The following TNFRSF10B variants were observed in gnomAD, a reference collection of about 807,000 sequenced individuals.
The protein encoded by TNFRSF10B is TNF receptor superfamily member 10b.
TNFRSF10B carries 35 observed loss-of-function variants against 41.4 expected under a neutral mutation model. The ratio of observed to expected loss-of-function variants is 0.85; its 90% confidence interval spans 0.65 to 1.12. The LOEUF (loss-of-function observed/expected upper bound fraction) is 1.12, where lower values mean the gene tolerates loss of function less well. Among genes scored for constraint, TNFRSF10B ranks in the 50% most tolerant of loss-of-function variants. The pLI, the probability that TNFRSF10B is intolerant of heterozygous loss-of-function variation, is 0.00. For synonymous variants in TNFRSF10B, 230 were observed against 215.5 expected (o/e 1.07, Z -0.59); for missense variants, 584 against 552.7 (o/e 1.06, Z -0.57).
intron 1 of TNFRSF10B, among the ~76,000 whole-genome samples, chr8:23,059,250 A>C (rs1313611164): frequency 6.6e-6 from 1 of 152,152 alleles, no homozygotes; most frequent in African/African-American, 2.4e-5. Context: ...GTCCAACTTG[A>C]GTTTCTTCCA....
chr8:23,040,242 A>G (rs1292691493), intron 2 of TNFRSF10B, among the ~76,000 whole-genome samples: 1 of 142,666 alleles, frequency 7.0e-6, no homozygotes, highest in Admixed American at 7.2e-5. Context: ...TATACTAAGT[A>G]TATATTTAAA....
At chr8:23,037,490 C>T (rs1219315325) in intron 2 of TNFRSF10B, among the ~76,000 whole-genome samples, 1 of 152,202 alleles carries the variant, frequency 6.6e-6, no homozygotes, top group Non-Finnish European at 1.5e-5. Flanking sequence ...ACTTGCCTTC[C>T]CTGCATGCAA....
intron 1 of TNFRSF10B, among the ~76,000 whole-genome samples, chr8:23,052,234 A>G (rs1472332335): frequency 1.3e-5 from 2 of 151,984 alleles, no homozygotes; most frequent in Non-Finnish European, 2.9e-5. Context: ...TAATAAAAAT[A>G]TATCGTAGGA....
intron 1 of TNFRSF10B, among the ~76,000 whole-genome samples, chr8:23,063,423 C>T (rs1194835484): frequency 6.6e-6 from 1 of 151,978 alleles, no homozygotes; most frequent in East Asian, 1.9e-4. Context: ...ATTTTGTGTA[C>T]TGCAGGTCTA....
At chr8:23,056,004 A>T (rs1812654247) in intron 1 of TNFRSF10B, among the ~76,000 whole-genome samples, 1 of 152,232 alleles carries the variant, frequency 6.6e-6, no homozygotes, top group South Asian at 2.1e-4. Context: ...AACCAGCTAC[A>T]GAAATAAAAA....
At chr8:23,038,211 G>C (rs1812076251) in intron 2 of TNFRSF10B, among the ~76,000 whole-genome samples, 1 of 152,188 alleles carries the variant, frequency 6.6e-6, no homozygotes, top group Non-Finnish European at 1.5e-5. Context: ...GTATTACCAT[G>C]CCCTGTGAGT....
chr8:23,024,063 G>A (rs2128810844), intron 8 of TNFRSF10B, 125 bp downstream of exon 8: 1 of 1,219,122 alleles, frequency 8.2e-7, no homozygotes, highest in East Asian at 2.3e-5. Context: ...ATGGTCTATA[G>A]CACAGGACCC....
chr8:23,031,277 C>T (rs1274038658), intron 2 of TNFRSF10B, among the ~76,000 whole-genome samples: 2 of 152,104 alleles, frequency 1.3e-5, no homozygotes, highest in Non-Finnish European at 2.9e-5. Context: ...AGGGTTTCAC[C>T]GTATTGGCCA....
At chr8:23,038,953 C>G (rs1812096824) in intron 2 of TNFRSF10B, among the ~76,000 whole-genome samples, 1 of 151,818 alleles carries the variant, frequency 6.6e-6, no homozygotes, top group Admixed American at 6.6e-5. Context: ...TTATTTCTAT[C>G]ACTATTATAT....
At chr8:23,028,179 T>G in intron 5 of TNFRSF10B, 152 bp downstream of exon 5, 1 of 1,006,414 alleles carries the variant, frequency 9.9e-7, no homozygotes, top group Non-Finnish European at 1.5e-6. Flanking sequence ...GTGCACGGGA[T>G]GTGGGGATGG....
rs142181239 is a variant in TNFRSF10B, at chr8:23,038,121, G to C, written c.250+5017C>G. Among the ~76,000 whole-genome samples the C allele has an allele frequency of 1.1e-3, 162 of 152,298 alleles. 1 individual carries two copies. The highest frequency in any genetic ancestry group is 3.8e-3 in the African/African-American group (157 of 41,564). On this transcript the variant is annotated intron_variant, in intron 2 of 8. Transcript: ENST00000276431. ...TCTGAACACAAAGGGGAAATTGAAG[G>C]GAAAATTGGACTGTTATTCCACAAT...
intron 2 of TNFRSF10B, among the ~76,000 whole-genome samples, chr8:23,038,737 T>C (rs1442586899): frequency 2.0e-5 from 3 of 152,178 alleles, no homozygotes; most frequent in African/African-American, 7.2e-5. Flanking sequence ...AATCTTATTA[T>C]TTCCATTACT....
In TNFRSF10B at chr8:23,027,751, C is replaced by T. The variant is rs1427514960; in HGVS notation, c.751G>A (p.Gly251Ser). Residue 251 changes from glycine (G) to serine (S), a missense_variant and splice_region_variant, in exon 6 of 9, where the codon GGT (glycine) becomes AGT (serine). Gly to Ser is a moderately conservative substitution (Grantham distance 56). Coordinates refer to ENST00000276431, the MANE Select transcript of TNFRSF10B (RefSeq NM_003842.5). ...LPYLKGICSG[G>S]GGDPERVDRS... Reference sequence around the variant, plus strand: ...TCCACACGCTCAGGGTCCCCACCACCACCTAAAAAAGAAGCAGTCTCCTTA... The same window carrying T: ...TCCACACGCTCAGGGTCCCCACCACTACCTAAAAAAGAAGCAGTCTCCTTA... The T allele has an allele frequency of 6.2e-7, 1 of 1,614,088 alleles. No individual in the cohort carries two copies. Among genetic ancestry groups the T allele is most frequent in the East Asian group, 2.2e-5 (1 of 44,866 alleles).
intron 1 of TNFRSF10B, 28 bp from the exon 2 acceptor site, chr8:23,043,271 G>A (rs766151202): frequency 6.3e-7 from 1 of 1,599,814 alleles, no homozygotes; most frequent in South Asian, 1.1e-5. Flanking sequence ...GGATGGGCAT[G>A]AGTGGCTTCC....
intron 2 of TNFRSF10B, among the ~76,000 whole-genome samples, chr8:23,040,394 A>G (rs1812152617): frequency 1.3e-5 from 1 of 74,478 alleles, no homozygotes; most frequent in Non-Finnish European, 3.1e-5. Context: ...ATATATATTT[A>G]TTAAATATAT....
intron 2 of TNFRSF10B, among the ~76,000 whole-genome samples, chr8:23,035,253 T>C (rs1342096040): frequency 6.6e-6 from 1 of 152,116 alleles, no homozygotes; most frequent in African/African-American, 2.4e-5. Context: ...GCGATTCTCA[T>C]GCCTCAGCCT....
rs915055520 is a variant in TNFRSF10B at position 23,022,495 on chromosome 8, A to G, written c.*176T>C. 4.2e-6 allele frequency: 3 copies of G among 719,780 alleles called. No individual in the cohort carries two copies. The African/African-American group carries it at 5.2e-5, about 13-fold the overall frequency. 44.6% of individuals were successfully genotyped at this position (719,780 alleles called of 1,614,324 possible). A position where few individuals can be genotyped will look rare whatever the true frequency, so the allele number is the denominator to read the frequency against. On this transcript the variant is annotated 3_prime_UTR_variant, in exon 9 of 9. Transcript: ENST00000276431. Reference sequence around the variant, plus strand: ...CATTCAGCTTATAAAAATAATGCCAAGTGCAGTGAAAAGTTACAGGATGTT... The same window carrying G: ...CATTCAGCTTATAAAAATAATGCCAGGTGCAGTGAAAAGTTACAGGATGTT...
chr8:23,067,114 G>C (rs1813009802), intron 1 of TNFRSF10B, among the ~76,000 whole-genome samples: 1 of 151,846 alleles, frequency 6.6e-6, no homozygotes, highest in South Asian at 2.1e-4. Context: ...AAGTAGCTGG[G>C]ATTGCAGGTG....
intron 2 of TNFRSF10B, among the ~76,000 whole-genome samples, chr8:23,040,974 C>T (rs1340605355): frequency 6.6e-6 from 1 of 151,824 alleles, no homozygotes; most frequent in Non-Finnish European, 1.5e-5. Context: ...CCTCTTACTA[C>T]AAAATGAAGT....
Sources: gnomAD v4.1 joint callset for allele counts (sites outside exome capture counted in the v4.1 genomes callset) on GRCh38, gnomAD v4.1.1 for gene constraint, MANE v1.5 for transcripts, NCBI Gene and HGNC (gene_info 2026-07-23, HGNC 2026-07-21) for gene names.